Variants in SLC35F4 observed in about 807,000 individuals in gnomAD.
SLC35F4 encodes solute carrier family 35 member F4.
In SLC35F4, 24 loss-of-function variants were observed where a neutral mutation model predicts 44.2. The observed-to-expected ratio is 0.54, with a 90% CI of 0.39 to 0.76. SLC35F4 has a LOEUF of 0.76. Ranked by LOEUF, SLC35F4 falls within the 30% of genes least tolerant of loss-of-function variation. The pLI is 0.00. For synonymous variants in SLC35F4, 238 were observed against 223.6 expected, an observed-to-expected ratio of 1.06 and a Z score of -0.57; for missense variants, 562 against 586.1, an observed-to-expected ratio of 0.96 and a Z score of 0.42.
intron 1 of SLC35F4, among the ~76,000 whole-genome samples, chr14:57,689,089 C>A (rs2075150373): frequency 1.3e-5 from 2 of 152,134 alleles, no homozygotes; most frequent in Non-Finnish European, 2.9e-5. Flanking sequence ...TCTCTATCCT[C>A]TCTTTCTCCA....
chr14:57,703,047 C>G (rs2075582464), intron 1 of SLC35F4, among the ~76,000 whole-genome samples: 1 of 151,926 alleles, frequency 6.6e-6, no homozygotes, highest in South Asian at 2.1e-4. Flanking sequence ...TAAAATGAAC[C>G]ACCAGCTCTT....
intron 1 of SLC35F4, among the ~76,000 whole-genome samples, chr14:57,939,967 G>T (rs528196672): frequency 1.1e-4 from 16 of 152,328 alleles, no homozygotes; most frequent in Admixed American, 7.8e-4. Flanking sequence ...AAGGCCACTG[G>T]ATTCTGCAGT....
In SLC35F4 at chr14:57,832,961, C is replaced by G. The variant is rs181488745; in HGVS notation, c.103+32762G>C. Among the ~76,000 whole-genome samples, 1,435 of 152,234 alleles carry G rather than the reference C, an allele frequency of 9.4e-3. 15 individuals are homozygous for G. The highest frequency in any genetic ancestry group is 0.013 in the Non-Finnish European group (857 of 68,016). On this transcript the variant is annotated intron_variant, in intron 1 of 7. Coordinates refer to ENST00000556826, the MANE Select transcript of SLC35F4 (RefSeq NM_001306087.2). ...AGGGTACTTTTATTCTTTCCAAGTC[C>G]TCATAATTGCTAGAGAATTTGTTCA... is the stretch of plus-strand genomic sequence containing the variant.
At chr14:57,847,292 AATGCAAGCT>A (rs1886119442) in intron 1 of SLC35F4, among the ~76,000 whole-genome samples, 1 of 152,114 alleles carries the variant, frequency 6.6e-6, no homozygotes, top group Non-Finnish European at 1.5e-5. Flanking sequence ...ACTGGTATGG[AATGCAAGCT>A]GTGCCTTGGG....
rs560034879 is a variant in SLC35F4, at chr14:57,888,688, GTACTT to G, written n.282+93220_282+93224del. Among the ~76,000 whole-genome samples the G allele has an allele frequency of 5.0e-4, 76 of 152,240 alleles. 1 individual carries two copies. Among genetic ancestry groups the G allele is most frequent in the Admixed American group, 3.1e-3 (48 of 15,290 alleles). ...CCATGATACAGAAGTTAAACGATTTGTACTTTGTTTCAAATTGGAAAAAGAAAAAC... is the reference window on the plus strand; with the variant it reads ...CCATGATACAGAAGTTAAACGATTTGTGTTTCAAATTGGAAAAAGAAAAAC... On this transcript the variant is annotated intron_variant and non_coding_transcript_variant, in intron 1 of 1. Coordinates refer to the SLC35F4 transcript ENST00000556568.
At chr14:57,724,569 C>G (rs1186246364) in intron 1 of SLC35F4, among the ~76,000 whole-genome samples, 1 of 152,140 alleles carries the variant, frequency 6.6e-6, no homozygotes, top group African/African-American at 2.4e-5. Flanking sequence ...TGATTGGGCT[C>G]AAGCAGGTCC....
chr14:57,623,567 G>A (rs573890953), intron 1 of SLC35F4, among the ~76,000 whole-genome samples: 16 of 151,846 alleles, frequency 1.1e-4, no homozygotes, highest in South Asian at 8.3e-4. Flanking sequence ...GAAAACACTC[G>A]TCAGCAAATG....
intron 1 of SLC35F4, among the ~76,000 whole-genome samples, chr14:57,827,277 A>C (rs1393717618): frequency 6.6e-6 from 1 of 152,176 alleles, no homozygotes; most frequent in Non-Finnish European, 1.5e-5. Flanking sequence ...CGAATATTGC[A>C]TGTTGTCAGT....
chr14:57,757,277 C>A (rs2077016268), intron 1 of SLC35F4, among the ~76,000 whole-genome samples: 1 of 152,116 alleles, frequency 6.6e-6, no homozygotes, highest in African/African-American at 2.4e-5. Context: ...CTTTTAATCT[C>A]TTTGTGCTCA....
At chr14:57,918,165 G>C (rs1232388668) in intron 1 of SLC35F4, among the ~76,000 whole-genome samples, 1 of 152,194 alleles carries the variant, frequency 6.6e-6, no homozygotes, top group African/African-American at 2.4e-5. Context: ...AAGCATGAGA[G>C]GATTTTTCTC....
intron 1 of SLC35F4, among the ~76,000 whole-genome samples, chr14:57,656,376 TAC>T (rs3054456): frequency 0.068 from 5,030 of 73,852 alleles, 97 homozygotes; most frequent in Non-Finnish European, 0.084. Context: ...TATATATATA[TAC>T]ACACACACAC....
In SLC35F4 at chr14:57,653,310, T is replaced by A. The variant is rs548339444; in HGVS notation, c.104-59186A>T. 5.9e-5 allele frequency among the ~76,000 whole-genome samples: 9 copies of A among 152,136 alleles called. No homozygotes were observed. The South Asian group carries it at 1.9e-3, about 32-fold the overall frequency. On this transcript the variant is annotated intron_variant, in intron 1 of 7. Coordinates refer to ENST00000556826, the MANE Select transcript of SLC35F4 (RefSeq NM_001306087.2). ...GACGACTTCAGTGTACCAAGAACAG[T>A]CAAATCTCGCTGGGGAAACAACTGA...
At chr14:57,896,253 T>C (rs1888866963) in intron 1 of SLC35F4, among the ~76,000 whole-genome samples, 1 of 151,894 alleles carries the variant, frequency 6.6e-6, no homozygotes, top group Non-Finnish European at 1.5e-5. Flanking sequence ...ATAAATTCCT[T>C]AATGGAAAAC....
chr14:57,587,318 G>A (rs572621653), intron 3 of SLC35F4, among the ~76,000 whole-genome samples: 34 of 152,160 alleles, frequency 2.2e-4, no homozygotes, highest in Non-Finnish European at 3.5e-4. Flanking sequence ...AAAGACACAC[G>A]CACACGTATG....
At chr14:57,828,877 C>T (rs1884064713) in intron 1 of SLC35F4, among the ~76,000 whole-genome samples, 2 of 152,208 alleles carry the variant, frequency 1.3e-5, no homozygotes, top group African/African-American at 4.8e-5. Context: ...TATGCAACAA[C>T]AATAATAATT....
chr14:57,609,487 G>T (rs755037706), intron 1 of SLC35F4, among the ~76,000 whole-genome samples: 3 of 152,146 alleles, frequency 2.0e-5, no homozygotes, highest in African/African-American at 4.8e-5. Context: ...TATTTGTTCT[G>T]TTCCTTTGGT....
chr14:57,792,651 A>T (rs2077952634), intron 1 of SLC35F4, among the ~76,000 whole-genome samples: 1 of 152,204 alleles, frequency 6.6e-6, no homozygotes, highest in African/African-American at 2.4e-5. Flanking sequence ...GTTGGAGACC[A>T]TTATTCTAAG....
chr14:57,718,595 A>AT, intron 1 of SLC35F4, among the ~76,000 whole-genome samples: 1 of 152,280 alleles, frequency 6.6e-6, no homozygotes. Flanking sequence ...GATGATCAAT[A>AT]ATGTTGAGCA....
chr14:57,654,926 A>G (rs2073910572), intron 1 of SLC35F4, among the ~76,000 whole-genome samples: 1 of 152,192 alleles, frequency 6.6e-6, no homozygotes, highest in Admixed American at 6.5e-5. Flanking sequence ...ATTTAAAGGT[A>G]CGCTGACGAA....
Sources: gnomAD v4.1 joint callset for allele counts (sites outside exome capture counted in the v4.1 genomes callset) on GRCh38, gnomAD v4.1.1 for gene constraint, MANE v1.5 for transcripts, NCBI Gene and HGNC (gene_info 2026-07-23, HGNC 2026-07-21) for gene names.